The following FHIT variants were observed in gnomAD, a reference collection of about 807,000 sequenced individuals.
FHIT encodes fragile histidine triad diadenosine triphosphatase, also known as bis(5'-adenosyl)-triphosphatase.
A neutral mutation model predicts 17.9 loss-of-function variants in FHIT; 19 were observed. The observed-to-expected ratio is 1.06, with a 90% confidence interval of 0.74 to 1.56. The LOEUF (loss-of-function observed/expected upper bound fraction) is 1.56, where lower values mean the gene tolerates loss of function less well. Ranked by LOEUF, FHIT falls within the 40% of genes most tolerant of loss-of-function variation. FHIT has a pLI of 0.00. For missense variants in FHIT, 248 were observed against 189.2 expected, an observed-to-expected ratio of 1.31 and a Z score of -1.82; for synonymous variants, 81 against 69.7, an observed-to-expected ratio of 1.16 and a Z score of -0.81.
At chr3:60,161,205 G>T (rs1361177224) in intron 5 of FHIT, among the ~76,000 whole-genome samples, 1 of 152,170 alleles carries the variant, frequency 6.6e-6, no homozygotes, top group East Asian at 1.9e-4. Flanking sequence ...TTAAAAGGTG[G>T]CAAATCGGTA....
chr3:61,080,463 GA>G (rs1055290566), intron 2 of FHIT, among the ~76,000 whole-genome samples: 5 of 150,200 alleles, frequency 3.3e-5, no homozygotes, highest in South Asian at 2.1e-4. Flanking sequence ...AAACGGAACT[GA>G]AAAAAAAAGT....
At chr3:60,052,855 C>T (rs212039) in intron 5 of FHIT, among the ~76,000 whole-genome samples, 16,592 of 150,226 alleles carry the variant, frequency 0.11, 1,105 homozygotes, top group African/African-American at 0.18. Flanking sequence ...GTATGTCCCG[C>T]GTAATATTTG....
chr3:61,172,690 T>G (rs1430137659), intron 2 of FHIT, among the ~76,000 whole-genome samples: 1 of 144,658 alleles, frequency 6.9e-6, no homozygotes. Context: ...AAACACTTTC[T>G]GTGAGTTACA....
chr3:60,077,569 A>C (rs879070288), intron 5 of FHIT: 1 of 152,108 alleles, frequency 6.6e-6, no homozygotes, highest in Admixed American at 6.6e-5. Context: ...GGGACAGGTC[A>C]AAAGAACACA....
At chr3:60,817,910 C>T (rs1701795275) in intron 4 of FHIT, among the ~76,000 whole-genome samples, 1 of 151,914 alleles carries the variant, frequency 6.6e-6, no homozygotes, top group Admixed American at 6.6e-5. Flanking sequence ...TACACAGGTC[C>T]CTGAGTCTCT....
chr3:60,839,728 C>T (rs1702655224), intron 3 of FHIT, among the ~76,000 whole-genome samples: 1 of 152,132 alleles, frequency 6.6e-6, no homozygotes, highest in African/African-American at 2.4e-5. Context: ...TGACCCTCTG[C>T]CCAGCCACAT....
intron 4 of FHIT, among the ~76,000 whole-genome samples, chr3:60,639,443 A>G (rs1323060754): frequency 6.6e-6 from 1 of 152,190 alleles, no homozygotes; most frequent in Non-Finnish European, 1.5e-5. Context: ...TTGTCAGTCT[A>G]AAAGGGTTGG....
intron 7 of FHIT, among the ~76,000 whole-genome samples, chr3:59,926,243 G>A (rs1043634936): frequency 2.0e-5 from 3 of 152,166 alleles, no homozygotes; most frequent in Non-Finnish European, 4.4e-5. Context: ...AAACTTATTT[G>A]ATTGTGGAGT....
intron 2 of FHIT, among the ~76,000 whole-genome samples, chr3:61,178,782 G>A (rs2038233973): frequency 6.6e-6 from 1 of 151,900 alleles, no homozygotes. Context: ...ATATAAATGA[G>A]TTATCTGGTA....
intron 3 of FHIT, among the ~76,000 whole-genome samples, chr3:60,859,902 G>A (rs1478025199): frequency 1.3e-5 from 2 of 150,452 alleles, no homozygotes; most frequent in African/African-American, 2.4e-5. Flanking sequence ...AAATTAGCCA[G>A]GTGTGGTGGC....
At chr3:59,901,740 A>C (rs549333472) in intron 8 of FHIT, among the ~76,000 whole-genome samples, 1 of 152,184 alleles carries the variant, frequency 6.6e-6, no homozygotes, top group African/African-American at 2.4e-5. Flanking sequence ...CAAAAATTAA[A>C]CATAGGGTTA....
intron 2 of FHIT, among the ~76,000 whole-genome samples, chr3:61,062,057 A>G (rs2034449008): frequency 6.6e-6 from 1 of 152,194 alleles, no homozygotes; most frequent in Non-Finnish European, 1.5e-5. Flanking sequence ...ATAATACTAT[A>G]TATAATACTA....
chr3:59,993,637 G>C (rs1298437288), intron 7 of FHIT, among the ~76,000 whole-genome samples: 1 of 151,884 alleles, frequency 6.6e-6, no homozygotes, highest in Admixed American at 6.6e-5. Flanking sequence ...GTTGCTGCTG[G>C]GAGCTGAGGT....
intron 8 of FHIT, among the ~76,000 whole-genome samples, chr3:59,772,084 A>G (rs943276854): frequency 1.3e-5 from 2 of 152,196 alleles, no homozygotes; most frequent in Admixed American, 6.5e-5. Flanking sequence ...CTCCACAGTC[A>G]CTGGCTTGTA....
At chr3:60,346,324 G>C (rs963926026) in intron 5 of FHIT, among the ~76,000 whole-genome samples, 1 of 152,182 alleles carries the variant, frequency 6.6e-6, no homozygotes, top group African/African-American at 2.4e-5. Flanking sequence ...TGTTTTCACT[G>C]ATCTGAAGTC....
intron 5 of FHIT, among the ~76,000 whole-genome samples, chr3:60,014,403 G>A (rs1036647436): frequency 2.0e-5 from 3 of 152,192 alleles, no homozygotes; most frequent in Non-Finnish European, 2.9e-5. Flanking sequence ...AGGGACATTC[G>A]TGTACAGACA....
chr3:59,817,782 TA>T (rs910349311), intron 8 of FHIT, among the ~76,000 whole-genome samples: 1 of 151,856 alleles, frequency 6.6e-6, no homozygotes, highest in African/African-American at 2.4e-5. Context: ...ATTCCTTCTT[TA>T]AAAAAAGGGA....
intron 5 of FHIT, among the ~76,000 whole-genome samples, chr3:60,415,228 C>T (rs779454516): frequency 3.3e-5 from 5 of 152,064 alleles, no homozygotes; most frequent in Non-Finnish European, 5.9e-5. Context: ...TACTGCTGGG[C>T]ACTTCTTAAA....
At chr3:60,818,338 G>C (rs1230061465) in intron 4 of FHIT, among the ~76,000 whole-genome samples, 2 of 152,084 alleles carry the variant, frequency 1.3e-5, no homozygotes, top group Non-Finnish European at 1.5e-5. Context: ...TGATGTTATT[G>C]TATGCAGAGC....
Sources: gnomAD v4.1 joint callset for allele counts (sites outside exome capture counted in the v4.1 genomes callset) on GRCh38, gnomAD v4.1.1 for gene constraint, MANE v1.5 for transcripts, NCBI Gene and HGNC (gene_info 2026-07-23, HGNC 2026-07-21) for gene names.